Variants in TATDN1 observed in about 807,000 individuals in gnomAD.
The protein encoded by TATDN1 is TatD DNase domain containing 1.
Under a neutral mutation model 46.4 loss-of-function variants are expected in TATDN1, and 40 were observed. That is an observed-to-expected ratio of 0.86 (90% CI 0.67 to 1.12). The LOEUF (loss-of-function observed/expected upper bound fraction) is 1.12. Ranked by LOEUF, TATDN1 falls within the 50% of genes most tolerant of loss-of-function variation. TATDN1 has a pLI of 0.00. For missense variants in TATDN1, 326 were observed against 348.4 expected (o/e 0.94, Z 0.51); for synonymous variants, 95 against 105.6 (o/e 0.90, Z 0.62).
intron 4 of TATDN1, among the ~76,000 whole-genome samples, chr8:124,517,995 A>C (rs1328458689): frequency 6.6e-6 from 1 of 151,734 alleles, no homozygotes; most frequent in African/African-American, 2.4e-5. Context: ...GCGGATCACG[A>C]GGTCAGGAGA....
At position 124,488,660 on chromosome 8, in the gene TATDN1, C is replaced by T. The variant is rs936181978; in HGVS notation, c.828G>A (p.Glu276=). The change falls in exon 12 of 12, where the codon GAG becomes GAA. Residue 276 remains glutamate (E), a synonymous_variant. Coordinates refer to ENST00000276692, the MANE Select transcript of TATDN1 (RefSeq NM_032026.4). ...GTGTATTGGCTAATTCCAGTGGATC[C>T]TCATCTCTCACTGCTGACATTATCT... ...ILEIMSAVRD[E]DPLELANTLY... 11 of 1,606,896 alleles carry T rather than the reference C, an allele frequency of 6.8e-6. No homozygotes were observed. Among genetic ancestry groups the T allele is most frequent in the Non-Finnish European group, 8.5e-6 (10 of 1,174,406 alleles).
In TATDN1 at chr8:124,504,351, G is replaced by T; in HGVS notation, c.517-4C>A. ...TGGTACCATCAAATGAATGCACCTGGGGACATACAGGTATAAGTTTATTAT... is the reference window on the plus strand; with the variant it reads ...TGGTACCATCAAATGAATGCACCTGTGGACATACAGGTATAAGTTTATTAT... On this transcript the variant is annotated splice_region_variant and splice_polypyrimidine_tract_variant and intron_variant, in intron 8 of 11. Coordinates refer to ENST00000276692, the MANE Select transcript of TATDN1 (RefSeq NM_032026.4). The T allele has an allele frequency of 6.4e-7, 1 of 1,573,246 alleles. No individual in the cohort carries two copies. Among genetic ancestry groups the T allele is most frequent in the East Asian group, 2.3e-5 (1 of 44,362 alleles).
chr8:124,499,410 C>T (rs1817748572), intron 9 of TATDN1, among the ~76,000 whole-genome samples: 1 of 152,134 alleles, frequency 6.6e-6, no homozygotes, highest in African/African-American at 2.4e-5. Flanking sequence ...TGTGTCTATT[C>T]TATGACTGTA....
At chr8:124,495,254 T>G in intron 10 of TATDN1, 1 of 540,750 alleles carries the variant, frequency 1.8e-6, no homozygotes. Flanking sequence ...ATTTTCTAAG[T>G]GCTTAGACAT....
At chr8:124,510,865 G>C (rs549713471) in intron 6 of TATDN1, among the ~76,000 whole-genome samples, 8 of 151,910 alleles carry the variant, frequency 5.3e-5, no homozygotes, top group Non-Finnish European at 1.2e-4. Flanking sequence ...CCAAGCAATG[G>C]GCCCACAGAA....
chr8:124,499,223 T>C (rs1016527077), intron 9 of TATDN1, among the ~76,000 whole-genome samples: 4 of 152,166 alleles, frequency 2.6e-5, no homozygotes, highest in African/African-American at 9.7e-5. Flanking sequence ...AAGTAGCAAT[T>C]AGTGCTCTCT....
At position 124,504,107 on chromosome 8, in the gene TATDN1, ACT is replaced by A. The variant is rs1419080269; in HGVS notation, c.593+162_593+163del. ...GAGCTTTAACTTTTAATAGTAATGT[ACT>A]GTTTAATTTCTTAATAAATAATTAC... On this transcript the variant is annotated intron_variant, in intron 9 of 11. Coordinates refer to ENST00000276692, the MANE Select transcript of TATDN1 (RefSeq NM_032026.4). The A allele has an allele frequency of 3.1e-5, 22 of 699,672 alleles. No homozygotes were observed. In the South Asian group the frequency reaches 4.9e-4, roughly 15 times the overall value. The allele number at this position is 699,672 out of a possible 1,614,324, so 43.3% of individuals were successfully genotyped here.
Position 124,515,905 on chromosome 8 carries a change from T to C in TATDN1, c.328A>G (p.Ile110Val), listed in dbSNP as rs751785478. 6.2e-7 allele frequency: 1 copy of C among 1,614,078 alleles called. No individual in the cohort carries two copies. The highest frequency in any genetic ancestry group is 8.5e-7 in the Non-Finnish European group (1 of 1,179,982). Reference protein sequence around the residue: ...AENNKGKVVAIGECGLDFDRL... With the variant: ...AENNKGKVVAVGECGLDFDRL... The stretch of plus-strand genomic sequence containing the variant: ...CACTCACCAAGTCCGCATTCTCCTA[T>C]TGCCACAACTTTCCCTTTATTGTTT... Residue 110 changes from isoleucine to valine, a missense_variant, in exon 5 of 12, where the codon ATA (isoleucine) becomes GTA (valine). By Grantham distance (29) the Ile-to-Val change is conservative (BLOSUM62 3). Coordinates refer to ENST00000276692, the MANE Select transcript of TATDN1 (RefSeq NM_032026.4).
At chr8:124,495,142 T>G (rs1817356448) in intron 10 of TATDN1, 1 of 317,396 alleles carries the variant, frequency 3.2e-6, no homozygotes, top group African/African-American at 2.2e-5. Context: ...AACAAAATTC[T>G]GAACAGATTT....
At chr8:124,503,952 C>A in intron 9 of TATDN1, 1 of 1,308,418 alleles carries the variant, frequency 7.6e-7, no homozygotes. Flanking sequence ...ATACATAATG[C>A]TGTGAACACA....
At chr8:124,536,030 A>C (rs1586695139) in intron 1 of TATDN1, among the ~76,000 whole-genome samples, 1 of 152,334 alleles carries the variant, frequency 6.6e-6, no homozygotes, top group East Asian at 1.9e-4. Context: ...CTATATCAGG[A>C]ATGGAATATG....
chr8:124,502,109 C>T (rs944137930), intron 9 of TATDN1, among the ~76,000 whole-genome samples: 1 of 152,036 alleles, frequency 6.6e-6, no homozygotes, highest in African/African-American at 2.4e-5. Flanking sequence ...CCGAGACGGG[C>T]AGATCACGAG....
In TATDN1 at chr8:124,522,818, G is replaced by A. The variant is rs1400744876; in HGVS notation, c.88+119C>T. On this transcript the variant is annotated intron_variant, in intron 2 of 11. Coordinates refer to ENST00000276692, the MANE Select transcript of TATDN1 (RefSeq NM_032026.4). ...AATCCTCCTGCCTCAGACTCCCAAAGTGCTGAGATTACAGGTGTGAGCCAC... is the reference window on the plus strand; with the variant it reads ...AATCCTCCTGCCTCAGACTCCCAAAATGCTGAGATTACAGGTGTGAGCCAC... The A allele has an allele frequency of 4.7e-6, 4 of 852,558 alleles. No homozygotes were observed. The African/African-American group carries it at 5.0e-5, about 11-fold the overall frequency. 52.8% of individuals were successfully genotyped at this position (852,558 alleles called of 1,614,324 possible).
intron 11 of TATDN1, among the ~76,000 whole-genome samples, chr8:124,492,281 T>C (rs7005861): frequency 1 from 152,358 of 152,358 alleles, 76,179 homozygotes; most frequent in Non-Finnish European, 1. Flanking sequence ...GGCCAGCCTT[T>C]ATAGTTCTTA....
chr8:124,517,286 GGTGTGGTGGC>G (rs1199651584), intron 4 of TATDN1, among the ~76,000 whole-genome samples: 7 of 152,034 alleles, frequency 4.6e-5, no homozygotes, highest in Admixed American at 6.6e-5. Flanking sequence ...AAATTAGCTG[GGTGTGGTGGC>G]ACACGCCTGT....
intron 9 of TATDN1, among the ~76,000 whole-genome samples, chr8:124,497,677 C>T (rs754090498): frequency 6.6e-6 from 1 of 152,156 alleles, no homozygotes; most frequent in African/African-American, 2.4e-5. Flanking sequence ...GACTATTTCA[C>T]AGGTGGTGGT....
chr8:124,534,432 C>T (rs1821260077), intron 1 of TATDN1, among the ~76,000 whole-genome samples: 1 of 152,122 alleles, frequency 6.6e-6, no homozygotes, highest in South Asian at 2.1e-4. Context: ...GGAAAAAATG[C>T]AAACTGCTTT....
chr8:124,508,259 A>T (rs753559063), intron 8 of TATDN1, among the ~76,000 whole-genome samples: 1 of 152,228 alleles, frequency 6.6e-6, no homozygotes, highest in Non-Finnish European at 1.5e-5. Flanking sequence ...TGTTTCACAT[A>T]CACCTTATAC....
chr8:124,536,487 G>A (rs551177573), intron 1 of TATDN1, among the ~76,000 whole-genome samples: 15 of 152,220 alleles, frequency 9.9e-5, no homozygotes, highest in Admixed American at 9.2e-4. Flanking sequence ...GTCAATGCTG[G>A]AGCCATGATC....
Sources: allele counts gnomAD v4.1 joint callset (sites outside exome capture counted in the v4.1 genomes callset), GRCh38; gene constraint gnomAD v4.1.1; transcripts MANE v1.5; gene names NCBI Gene and HGNC (gene_info 2026-07-23, HGNC 2026-07-21).